Variants in OR9Q1 observed in about 807,000 individuals in gnomAD.
OR9Q1 encodes olfactory receptor 9Q1.
For missense variants in OR9Q1, 374 were observed against 378.8 expected (o/e 0.99, Z 0.11); for synonymous variants, 153 against 148.6 (o/e 1.03, Z -0.22).
chr11:58,144,656 A>G (rs182319381), intron 2 of OR9Q1: 1 of 152,708 alleles, frequency 6.5e-6, no homozygotes, highest in East Asian at 1.9e-4. Context: ...CCAGACTCCC[A>G]TGTACTTCTT....
rs543121136 is a variant in OR9Q1 at position 58,064,754 on chromosome 11, A to G, written c.-15+8807A>G. Among the ~76,000 whole-genome samples, 8 of 152,244 alleles carry G rather than the reference A, an allele frequency of 5.3e-5. 2 individuals carry two copies. The East Asian group carries it at 1.6e-3, about 30-fold the overall frequency. Reference sequence around the variant, plus strand: ...TTGAATCTTAGAGAGGGTCAAGGACAGAAGGAGTTAGATTTGGCCAGTAGC... The same window carrying G: ...TTGAATCTTAGAGAGGGTCAAGGACGGAAGGAGTTAGATTTGGCCAGTAGC... On this transcript the variant is annotated intron_variant, in intron 2 of 2. Transcript: ENST00000335397.
intron 2 of OR9Q1, among the ~76,000 whole-genome samples, chr11:58,066,234 C>T (rs1312713005): frequency 2.0e-5 from 3 of 152,124 alleles, no homozygotes; most frequent in South Asian, 2.1e-4. Context: ...TGTAAGGGGT[C>T]GCAGCCCGGA....
intron 2 of OR9Q1, among the ~76,000 whole-genome samples, chr11:58,173,027 T>C (rs984236493): frequency 1.3e-5 from 2 of 152,148 alleles, no homozygotes; most frequent in Non-Finnish European, 2.9e-5. Context: ...TAAAAAAAAT[T>C]ACTGGTTGGA....
At chr11:58,135,244 G>A (rs1471816176) in intron 2 of OR9Q1, among the ~76,000 whole-genome samples, 1 of 152,098 alleles carries the variant, frequency 6.6e-6, no homozygotes, top group Non-Finnish European at 1.5e-5. Flanking sequence ...TTATGTCTTT[G>A]TGAGTTTTTA....
In OR9Q1 at chr11:58,034,735, T is replaced by TTCCTTCCTTCCTTCC. The variant is rs1853079294; in HGVS notation, c.-93+10632_-93+10633insCCTTCCTTCCTTCCT. On this transcript the variant is annotated intron_variant, in intron 1 of 2. Coordinates refer to ENST00000335397, the MANE Select transcript of OR9Q1 (RefSeq NM_001005212.4). The stretch of plus-strand genomic sequence containing the variant: ...CACTGTCTGTCTTAAGGTTTCTTTC[T>TTCCTTCCTTCCTTCC]TTCCTTCCTTCCTTCCTTCCTTCCT... Among the ~76,000 whole-genome samples, 9 of 111,474 alleles carry TTCCTTCCTTCCTTCC rather than the reference T, an allele frequency of 8.1e-5. No homozygotes were observed. The South Asian group carries it at 1.6e-3, about 20-fold the overall frequency. 73.1% of individuals were successfully genotyped at this position (111,474 alleles called of 152,430 possible). A position where few individuals can be genotyped will look rare whatever the true frequency, so the allele number is the denominator to read the frequency against.
At chr11:58,149,132 C>G (rs1429360064) in intron 2 of OR9Q1, among the ~76,000 whole-genome samples, 1 of 152,118 alleles carries the variant, frequency 6.6e-6, no homozygotes. Context: ...GAATGAATAT[C>G]TAAACTCTTT....
At chr11:58,075,074 G>T (rs1394081573) in intron 2 of OR9Q1, among the ~76,000 whole-genome samples, 1 of 152,128 alleles carries the variant, frequency 6.6e-6, no homozygotes, top group Non-Finnish European at 1.5e-5. Context: ...GCTTAAGATT[G>T]TCTTGGCTCT....
chr11:58,078,755 A>G (rs1408151320), intron 2 of OR9Q1, among the ~76,000 whole-genome samples: 3 of 152,194 alleles, frequency 2.0e-5, no homozygotes, highest in Non-Finnish European at 4.4e-5. Flanking sequence ...TAGAAGACCC[A>G]TCATTGGTAT....
intron 2 of OR9Q1, among the ~76,000 whole-genome samples, chr11:58,172,928 G>A (rs1202394253): frequency 6.6e-6 from 1 of 151,830 alleles, no homozygotes; most frequent in African/African-American, 2.4e-5. Flanking sequence ...CTATTATTTT[G>A]TACCCATTAA....
chr11:58,034,769 T>TCCTTCCTTCCTTCCTTC (rs58499677), intron 1 of OR9Q1, among the ~76,000 whole-genome samples: 7 of 19,596 alleles, frequency 3.6e-4, no homozygotes, highest in East Asian at 2.7e-3. Flanking sequence ...CTTCCTTCCT[T>TCCTTCCTTCCTTCCTTC]CTTCCTTCCC....
chr11:58,151,140 C>A lies in OR9Q1; in HGVS notation c.-14-28291C>A, dbSNP rs147202189. Among the ~76,000 whole-genome samples, 97 of 152,240 alleles carry A rather than the reference C, an allele frequency of 6.4e-4. No individual in the cohort carries two copies. The East Asian group carries it at 0.016, about 25-fold the overall frequency. ...AACTTTATTCTTTTGCGTGGGTTAT[C>A]CAGTTTCCCTAGCATCGTTTGTTGA... is the stretch of plus-strand genomic sequence containing the variant. On this transcript the variant is annotated intron_variant, in intron 2 of 2. Coordinates refer to ENST00000335397, the MANE Select transcript of OR9Q1 (RefSeq NM_001005212.4).
chr11:58,108,905 C>T lies in OR9Q1; in HGVS notation c.-15+52958C>T, dbSNP rs184006938. 1.8e-4 allele frequency: 65 copies of T among 361,116 alleles called. No individual in the cohort carries two copies. The East Asian group carries it at 4.7e-3, about 26-fold the overall frequency. The allele number at this position is 361,116 out of a possible 1,614,324, so 22.4% of individuals were successfully genotyped here. A position where few individuals can be genotyped will look rare whatever the true frequency, so the allele number is the denominator to read the frequency against. On this transcript the variant is annotated intron_variant, in intron 2 of 2. Transcript: ENST00000335397. ...CTCTGGTACATGAAGGCAAGTGTCC[C>T]AAAGAAGAGGACAACAGTGGTGAGA...
chr11:58,175,884 C>A (rs2119963440), intron 2 of OR9Q1, among the ~76,000 whole-genome samples: 1 of 151,488 alleles, frequency 6.6e-6, no homozygotes, highest in Non-Finnish European at 1.5e-5. Flanking sequence ...GTGGCTAAAA[C>A]AATACTATTG....
At chr11:58,038,030 C>CA (rs57124267) in intron 1 of OR9Q1, among the ~76,000 whole-genome samples, 151,184 of 151,186 alleles carry the variant, frequency 1, 75,591 homozygotes, top group Non-Finnish European at 1. Flanking sequence ...CGCGCCCGGC[C>CA]AGAATAACTA....
intron 2 of OR9Q1, among the ~76,000 whole-genome samples, chr11:58,107,926 C>G (rs1269689151): frequency 2.6e-5 from 4 of 152,064 alleles, no homozygotes; most frequent in African/African-American, 9.7e-5. Flanking sequence ...AAAGTAGTAT[C>G]AATTGAGACT....
Position 58,080,058 on chromosome 11 carries a change from A to G in OR9Q1, c.-15+24111A>G, listed in dbSNP as rs569499524. 4.6e-5 allele frequency among the ~76,000 whole-genome samples: 7 copies of G among 152,306 alleles called. 1 individual carries two copies. The South Asian group carries it at 1.0e-3, about 23-fold the overall frequency. ...ACTTTTATTTTAGATACGGGGGTAC[A>G]TGTGCAGGCTTGTTACATGGGTATA... is the stretch of plus-strand genomic sequence containing the variant. On this transcript the variant is annotated intron_variant, in intron 2 of 2. Coordinates refer to ENST00000335397, the MANE Select transcript of OR9Q1 (RefSeq NM_001005212.4).
At position 58,125,119 on chromosome 11, in the gene OR9Q1, G is replaced by C. The variant is rs537707176; in HGVS notation, c.-14-54312G>C. Among the ~76,000 whole-genome samples the C allele has an allele frequency of 1.2e-4, 18 of 152,040 alleles. 1 individual carries two copies. Among genetic ancestry groups the C allele is most frequent in the South Asian group, 8.3e-4 (4 of 4,810 alleles). On this transcript the variant is annotated intron_variant, in intron 2 of 2. Transcript: ENST00000335397. ...AGAGTCATTTACAGGAAAATATCTT[G>C]TCTAAGCTCTGCAGTCTAGTACCAC...
chr11:58,171,833 C>A (rs1451321), intron 2 of OR9Q1: 2 of 152,100 alleles, frequency 1.3e-5, no homozygotes, highest in South Asian at 4.1e-4. Flanking sequence ...TGGAACCAGG[C>A]CCCCAGAGGT....
chr11:58,102,360 G>A (rs1339161881), intron 2 of OR9Q1, among the ~76,000 whole-genome samples: 2 of 151,854 alleles, frequency 1.3e-5, no homozygotes, highest in East Asian at 3.9e-4. Flanking sequence ...TGCTCTTTCT[G>A]TGAGTTTTAT....
Sources: gnomAD v4.1 joint callset for allele counts (sites outside exome capture counted in the v4.1 genomes callset) on GRCh38, gnomAD v4.1.1 for gene constraint, MANE v1.5 for transcripts, NCBI Gene and HGNC (gene_info 2026-07-23, HGNC 2026-07-21) for gene names.